CDH13: variants seen among roughly 807,000 people sequenced by gnomAD.
The protein encoded by CDH13 is cadherin 13.
In CDH13, 24 loss-of-function variants were observed where a neutral mutation model predicts 63.8. The ratio of observed to expected loss-of-function variants is 0.38; its 90% CI spans 0.27 to 0.53. The LOEUF is 0.53. Among genes scored for constraint, CDH13 ranks in the 20% least tolerant of loss-of-function variants. CDH13 has a pLI of 0.85. For missense variants in CDH13, 1,049 were observed against 903.1 expected (o/e 1.16, Z -2.07); for synonymous variants, 503 against 355.3 (o/e 1.42, Z -4.67).
At chr16:82,684,372 G>A (rs1914853313) in intron 1 of CDH13, among the ~76,000 whole-genome samples, 1 of 152,160 alleles carries the variant, frequency 6.6e-6, no homozygotes, top group African/African-American at 2.4e-5. Flanking sequence ...CTACAGCTGG[G>A]ATAGCAAGTA....
intron 1 of CDH13, among the ~76,000 whole-genome samples, chr16:82,675,720 C>G (rs1215091845): frequency 6.6e-6 from 1 of 152,158 alleles, no homozygotes; most frequent in Non-Finnish European, 1.5e-5. Flanking sequence ...TCCTGCCTTT[C>G]CTACTGAGAT....
In CDH13 at chr16:83,552,224, C is replaced by T. The variant is rs183098790; in HGVS notation, c.961-50230C>T. Among the ~76,000 whole-genome samples, 14 of 152,204 alleles carry T rather than the reference C, an allele frequency of 9.2e-5. No homozygotes were observed. In the East Asian group the frequency reaches 2.3e-3, roughly 25 times the overall value. ...AAAGGAGCCTGTGGACCTAGTTGGG[C>T]GTATTCTCTTGGTCCTGGGGATTCT... On this transcript the variant is annotated intron_variant, in intron 7 of 13. Coordinates refer to ENST00000567109, the MANE Select transcript of CDH13 (RefSeq NM_001257.5).
chr16:83,700,547 T>G (rs1019911354), intron 10 of CDH13, among the ~76,000 whole-genome samples: 3 of 152,212 alleles, frequency 2.0e-5, no homozygotes, highest in Non-Finnish European at 4.4e-5. Context: ...TGGGGAATGA[T>G]CAGAGAATGG....
chr16:83,182,008 C>G (rs1054222713), intron 4 of CDH13, among the ~76,000 whole-genome samples: 2 of 152,136 alleles, frequency 1.3e-5, no homozygotes, highest in African/African-American at 4.8e-5. Context: ...GCGTGCTCTA[C>G]CTGTGGCAAA....
intron 3 of CDH13, among the ~76,000 whole-genome samples, chr16:83,055,056 T>G (rs1438672288): frequency 6.6e-6 from 1 of 152,036 alleles, no homozygotes; most frequent in African/African-American, 2.4e-5. Flanking sequence ...CCCCACATAT[T>G]TAGAAACTAT....
intron 2 of CDH13, among the ~76,000 whole-genome samples, chr16:82,952,675 T>C (rs945137694): frequency 6.6e-6 from 1 of 152,188 alleles, no homozygotes; most frequent in African/African-American, 2.4e-5. Flanking sequence ...CCCTGTGAAC[T>C]TTTTGGTATT....
intron 2 of CDH13, among the ~76,000 whole-genome samples, chr16:83,015,574 A>G (rs1914674981): frequency 6.7e-6 from 1 of 150,360 alleles, no homozygotes; most frequent in Admixed American, 6.7e-5. Flanking sequence ...AACTGTTTTC[A>G]GATTACATCC....
At chr16:83,281,936 T>G (rs1211548899) in intron 5 of CDH13, among the ~76,000 whole-genome samples, 3 of 151,948 alleles carry the variant, frequency 2.0e-5, no homozygotes, top group African/African-American at 7.3e-5. Context: ...AAATAAAATT[T>G]TAGGGAAAGC....
chr16:82,808,108 G>A (rs944595018), intron 1 of CDH13, among the ~76,000 whole-genome samples: 6 of 152,134 alleles, frequency 3.9e-5, no homozygotes, highest in African/African-American at 1.4e-4. Context: ...AACTAGCTCA[G>A]TGAGCCTGGG....
At chr16:83,511,155 C>G (rs533645242) in intron 7 of CDH13, among the ~76,000 whole-genome samples, 1 of 151,436 alleles carries the variant, frequency 6.6e-6, no homozygotes, top group Non-Finnish European at 1.5e-5. Flanking sequence ...CATGCACACA[C>G]GCTCACACAC....
At chr16:83,082,566 G>A (rs1277157290) in intron 3 of CDH13, among the ~76,000 whole-genome samples, 5 of 152,248 alleles carry the variant, frequency 3.3e-5, no homozygotes, top group South Asian at 2.1e-4. Flanking sequence ...GACTGAACCC[G>A]GGAGGCAGAG....
intron 5 of CDH13, among the ~76,000 whole-genome samples, chr16:83,231,013 C>CT (rs1355271098): frequency 6.6e-6 from 1 of 152,258 alleles, no homozygotes; most frequent in East Asian, 1.9e-4. Flanking sequence ...ATGCCTTCAT[C>CT]TTCCTCGGGC....
chr16:82,891,858 C>T lies in CDH13; in HGVS notation c.157+33385C>T, dbSNP rs1567635724. On this transcript the variant is annotated intron_variant, in intron 2 of 13. Coordinates refer to ENST00000567109, the MANE Select transcript of CDH13 (RefSeq NM_001257.5). ...GTGTGGACATTCATATATGTGAATG[C>T]TCCTTAAAGCTTCCCTATAACCTTG... 2.6e-5 allele frequency among the ~76,000 whole-genome samples: 4 copies of T among 152,130 alleles called. No homozygotes were observed. In the South Asian group the frequency reaches 8.3e-4, roughly 32 times the overall value.
chr16:83,149,259 G>A (rs574552559), intron 4 of CDH13, among the ~76,000 whole-genome samples: 50 of 152,258 alleles, frequency 3.3e-4, no homozygotes, highest in African/African-American at 1.2e-3. Flanking sequence ...CTTTCTCCCT[G>A]CTCTAAGGTT....
chr16:82,798,448 G>C (rs1416869900), intron 1 of CDH13, among the ~76,000 whole-genome samples: 3 of 152,138 alleles, frequency 2.0e-5, no homozygotes, highest in Non-Finnish European at 2.9e-5. Context: ...TTCTTGAAAT[G>C]TGATGGTGTG....
intron 6 of CDH13, among the ~76,000 whole-genome samples, chr16:83,348,678 C>T (rs772672655): frequency 3.3e-5 from 5 of 152,200 alleles, no homozygotes; most frequent in Admixed American, 6.5e-5. Context: ...CTGTGTTTGA[C>T]GCTGTGCTCA....
At chr16:83,674,725 A>G (rs1914808884) in intron 9 of CDH13, among the ~76,000 whole-genome samples, 1 of 152,266 alleles carries the variant, frequency 6.6e-6, no homozygotes, top group South Asian at 2.1e-4. Context: ...ACCAAATCCC[A>G]GTGGCTCTGA....
chr16:82,923,753 T>G (rs1371069330), intron 2 of CDH13, among the ~76,000 whole-genome samples: 1 of 152,224 alleles, frequency 6.6e-6, no homozygotes, highest in Non-Finnish European at 1.5e-5. Flanking sequence ...TCTTTCCTCT[T>G]ACTTCGCTTC....
chr16:83,588,040 C>G (rs1042295287), intron 7 of CDH13, among the ~76,000 whole-genome samples: 3 of 152,000 alleles, frequency 2.0e-5, no homozygotes, highest in Non-Finnish European at 2.9e-5. Flanking sequence ...ATCCCGTACA[C>G]CTGGAGATGT....
Sources: allele counts gnomAD v4.1 joint callset (sites outside exome capture counted in the v4.1 genomes callset), GRCh38; gene constraint gnomAD v4.1.1; transcripts MANE v1.5; gene names NCBI Gene and HGNC (gene_info 2026-07-23, HGNC 2026-07-21).